Variants in NALF1 observed in about 807,000 individuals in gnomAD.
NALF1 encodes the protein NALCN channel auxiliary factor 1.
A neutral mutation model predicts 48.4 loss-of-function variants in NALF1; 3 were observed. The ratio of observed to expected loss-of-function variants is 0.06; its 90% confidence interval spans 0.03 to 0.16. The LOEUF (loss-of-function observed/expected upper bound fraction) is 0.16. Ranked by LOEUF, NALF1 falls within the 10% of genes least tolerant of loss-of-function variation. NALF1 has a pLI of 1.00. For synonymous variants in NALF1, 262 were observed against 245.7 expected, an observed-to-expected ratio of 1.07 and a Z score of -0.62; for missense variants, 526 against 571.5, an observed-to-expected ratio of 0.92 and a Z score of 0.81.
intron 2 of NALF1, among the ~76,000 whole-genome samples, chr13:107,171,973 C>T (rs1878815682): frequency 6.6e-6 from 1 of 152,164 alleles, no homozygotes; most frequent in Non-Finnish European, 1.5e-5. Flanking sequence ...CAATAGTTAT[C>T]AATGGTATCT....
At chr13:107,344,722 T>C (rs2138938568) in intron 1 of NALF1, among the ~76,000 whole-genome samples, 1 of 152,254 alleles carries the variant, frequency 6.6e-6, no homozygotes, top group East Asian at 1.9e-4. Context: ...CAGGTATCAT[T>C]ATATTCAATG....
intron 1 of NALF1, among the ~76,000 whole-genome samples, chr13:107,497,166 A>G (rs1875364678): frequency 6.6e-6 from 1 of 152,340 alleles, no homozygotes; most frequent in Non-Finnish European, 1.5e-5. Flanking sequence ...TAAACATCCA[A>G]TAAAAGGTTT....
rs115606546 is a variant in NALF1, at chr13:107,476,878, T to C, written c.916-266123A>G. Among the ~76,000 whole-genome samples the C allele has an allele frequency of 5.0e-3, 758 of 152,222 alleles. 4 individuals are homozygous for C. The highest frequency in any genetic ancestry group is 0.017 in the African/African-American group (710 of 41,552). On this transcript the variant is annotated intron_variant, in intron 1 of 2. Coordinates refer to ENST00000375915, the MANE Select transcript of NALF1 (RefSeq NM_001080396.3). The stretch of plus-strand genomic sequence containing the variant: ...GGTATTTAGAAGCTCAGGGATCAAT[T>C]AATTTGTAAGTCAATAAACAATTTA...
chr13:107,589,195 T>C (rs1878536858), intron 1 of NALF1, among the ~76,000 whole-genome samples: 1 of 152,060 alleles, frequency 6.6e-6, no homozygotes, highest in Non-Finnish European at 1.5e-5. Flanking sequence ...CTTCTGCTTT[T>C]TAACATTTTT....
chr13:107,558,162 C>T (rs904922296), intron 1 of NALF1, among the ~76,000 whole-genome samples: 6 of 151,532 alleles, frequency 4.0e-5, no homozygotes, highest in Admixed American at 3.3e-4. Context: ...AAGATGAGTT[C>T]AGAAGGGAGA....
chr13:107,845,240 T>C (rs541684844), intron 1 of NALF1, among the ~76,000 whole-genome samples: 1 of 152,332 alleles, frequency 6.6e-6, no homozygotes, highest in Admixed American at 6.5e-5. Context: ...GCTAATTCCA[T>C]TGTCTCCATC....
At chr13:107,364,257 TA>T (rs1459846048) in intron 1 of NALF1, among the ~76,000 whole-genome samples, 1 of 152,228 alleles carries the variant, frequency 6.6e-6, no homozygotes, top group African/African-American at 2.4e-5. Flanking sequence ...AATCATCTTA[TA>T]TATGAGCATT....
At chr13:107,769,228 G>A (rs537753575) in intron 1 of NALF1, among the ~76,000 whole-genome samples, 3,658 of 148,736 alleles carry the variant, frequency 0.025, 82 homozygotes, top group South Asian at 0.049. Context: ...CTGCTATAAA[G>A]ACACATGCAC....
intron 1 of NALF1, among the ~76,000 whole-genome samples, chr13:107,381,682 T>A (rs553069022): frequency 6.6e-6 from 1 of 152,096 alleles, no homozygotes; most frequent in Non-Finnish European, 1.5e-5. Flanking sequence ...GGGAGTTTCA[T>A]AGATGGTGTC....
intron 1 of NALF1, among the ~76,000 whole-genome samples, chr13:107,501,064 GCA>G (rs1206525499): frequency 6.6e-6 from 1 of 151,694 alleles, no homozygotes; most frequent in African/African-American, 2.4e-5. Flanking sequence ...TAACTAACCT[GCA>G]CATTGTGCAC....
chr13:107,395,348 T>A (rs1208562987), intron 1 of NALF1, among the ~76,000 whole-genome samples: 1 of 152,158 alleles, frequency 6.6e-6, no homozygotes, highest in Non-Finnish European at 1.5e-5. Flanking sequence ...AGCCAAGATC[T>A]TCCCAACACT....
intron 1 of NALF1, among the ~76,000 whole-genome samples, chr13:107,818,891 A>AG (rs1879269552): frequency 7.1e-6 from 1 of 141,776 alleles, no homozygotes; most frequent in African/African-American, 2.8e-5. Context: ...AAAAAAAAAA[A>AG]AAAAATCCAG....
intron 2 of NALF1, among the ~76,000 whole-genome samples, chr13:107,176,014 G>T (rs377169876): frequency 1.1e-4 from 16 of 151,886 alleles, no homozygotes; most frequent in African/African-American, 3.9e-4. Flanking sequence ...GAGTTCTCCC[G>T]CAAAAACCAC....
At chr13:107,798,249 T>C (rs929312959) in intron 1 of NALF1, among the ~76,000 whole-genome samples, 1 of 152,220 alleles carries the variant, frequency 6.6e-6, no homozygotes, top group Admixed American at 6.5e-5. Flanking sequence ...GTCCTTTGCA[T>C]GCAAAATTAC....
chr13:107,696,011 C>T (rs1197797812), intron 1 of NALF1, among the ~76,000 whole-genome samples: 7 of 151,948 alleles, frequency 4.6e-5, no homozygotes, highest in African/African-American at 1.7e-4. Context: ...ATTCTCCTGC[C>T]GCAGCCTCCT....
intron 1 of NALF1, among the ~76,000 whole-genome samples, chr13:107,706,893 C>T (rs1480408207): frequency 1.1e-4 from 16 of 150,940 alleles, no homozygotes; most frequent in African/African-American, 2.9e-4. Flanking sequence ...GGGTTATGTC[C>T]GCCAGTTTTT....
At chr13:107,321,786 T>C (rs752306303) in intron 1 of NALF1, among the ~76,000 whole-genome samples, 1 of 152,166 alleles carries the variant, frequency 6.6e-6, no homozygotes, top group Non-Finnish European at 1.5e-5. Flanking sequence ...AAATGTGGCA[T>C]CATTTTGAGA....
intron 1 of NALF1, among the ~76,000 whole-genome samples, chr13:107,618,991 C>A (rs977747299): frequency 1.3e-5 from 2 of 152,164 alleles, no homozygotes; most frequent in African/African-American, 2.4e-5. Flanking sequence ...AGGAACAGTG[C>A]GGTTACACAG....
chr13:107,234,904 A>T (rs946469537), intron 1 of NALF1, among the ~76,000 whole-genome samples: 3 of 152,110 alleles, frequency 2.0e-5, no homozygotes, highest in Non-Finnish European at 4.4e-5. Flanking sequence ...GATGACATGA[A>T]AATCCTCATG....
Sources: allele counts gnomAD v4.1 joint callset (sites outside exome capture counted in the v4.1 genomes callset), GRCh38; gene constraint gnomAD v4.1.1; transcripts MANE v1.5; gene names NCBI Gene and HGNC (gene_info 2026-07-23, HGNC 2026-07-21).